The following ZNF366 variants were observed in gnomAD, a reference collection of about 807,000 sequenced individuals.
ZNF366 encodes the protein dendritic cell-specific transcript protein.
In ZNF366, 20 loss-of-function variants were observed where a neutral mutation model predicts 47.2. The ratio of observed to expected loss-of-function variants is 0.42; its 90% CI spans 0.30 to 0.62. The LOEUF (loss-of-function observed/expected upper bound fraction) is 0.62, where lower values mean the gene tolerates loss of function less well. ZNF366 is among the 20% of genes least tolerant of loss of function. The pLI is 0.16. For synonymous variants in ZNF366, 421 were observed against 395.1 expected (o/e 1.07, Z -0.78); for missense variants, 987 against 976.3 (o/e 1.01, Z -0.15).
chr5:72,440,964 A>T lies in ZNF366; in HGVS notation c.*2792T>A, dbSNP rs1314680435. The T allele has an allele frequency of 6.6e-6, 1 of 152,150 alleles. No individual in the cohort carries two copies. The allele number at this position is 152,150 out of a possible 1,614,324, so 9.4% of individuals were successfully genotyped here. ...AGACCTTTTTACTGCCTCCAAATAA[A>T]ATTTTACTTAGAATGCTAATGTATA... On this transcript the variant is annotated 3_prime_UTR_variant, in exon 5 of 5. Transcript: ENST00000318442.
rs112043217 is a variant in ZNF366 at position 72,479,168 on chromosome 5, A to T, written c.-14-17658T>A. Among the ~76,000 whole-genome samples, 887 of 152,296 alleles carry T rather than the reference A, an allele frequency of 5.8e-3. 10 individuals carry two copies. The highest frequency in any genetic ancestry group is 0.019 in the African/African-American group (806 of 41,560). ...TTCCAGGTCCAAAGCTCCAACTCAT[A>T]GGTAGAGATGGCTTTAGTGAGTCTG... On this transcript the variant is annotated intron_variant, in intron 1 of 4. Coordinates refer to ENST00000318442, the MANE Select transcript of ZNF366 (RefSeq NM_152625.3).
chr5:72,448,642 C>A (rs1425554165), intron 3 of ZNF366, among the ~76,000 whole-genome samples: 1 of 152,212 alleles, frequency 6.6e-6, no homozygotes, highest in Non-Finnish European at 1.5e-5. Context: ...CACAGAGACA[C>A]TCAGGGTGAG....
chr5:72,449,618 G>A (rs1221630892), intron 3 of ZNF366, among the ~76,000 whole-genome samples: 1 of 152,232 alleles, frequency 6.6e-6, no homozygotes, highest in African/African-American at 2.4e-5. Context: ...ACCTCATTTG[G>A]ATTGTGGGAT....
rs373809589 is a variant in ZNF366 at position 72,460,657 on chromosome 5, C to T, written c.840G>A (p.Pro280=). 835 of 1,614,224 alleles carry T rather than the reference C, an allele frequency of 5.2e-4. 2 individuals are homozygous for T. Among genetic ancestry groups the T allele is most frequent in the Non-Finnish European group, 6.6e-4 (776 of 1,180,042 alleles). ...GCTTCCCGCAGTGCGTGCACGCGTGCGGCTTGATCCCACTGTGGCCCAGGA... is the reference window on the plus strand; with the variant it reads ...GCTTCCCGCAGTGCGTGCACGCGTGTGGCTTGATCCCACTGTGGCCCAGGA... ...THILGHSGIK[P]HACTHCGKLF... is the part of the protein sequence containing the mutation. The change falls in exon 2 of 5, where the codon CCG becomes CCA. Residue 280 remains proline (P), a synonymous_variant. Transcript: ENST00000318442.
At chr5:72,447,116 G>C in intron 4 of ZNF366, 127 bp downstream of exon 4, 1 of 1,050,834 alleles carries the variant, frequency 9.5e-7, no homozygotes, top group South Asian at 1.7e-5. Context: ...ACATTATAAG[G>C]TTACTCTTGC....
rs866137493 is a variant in ZNF366, at chr5:72,463,981, T to C, written c.-14-2471A>G. ...AGTCGGTTTATAACCCCTTGAGAGA[T>C]AAATTTCTTTTAGTAGAAAGGCTGC... On this transcript the variant is annotated intron_variant, in intron 1 of 4. Transcript: ENST00000318442. 1.6e-4 allele frequency among the ~76,000 whole-genome samples: 25 copies of C among 152,294 alleles called. No homozygotes were observed. In the Middle Eastern group the frequency reaches 0.014, roughly 83 times the overall value.
intron 1 of ZNF366, among the ~76,000 whole-genome samples, chr5:72,472,770 T>C (rs1000795888): frequency 7.2e-5 from 11 of 152,222 alleles, no homozygotes; most frequent in South Asian, 2.1e-4. Flanking sequence ...CCTGTAGATT[T>C]TGGCAATGTA....
intron 1 of ZNF366, among the ~76,000 whole-genome samples, chr5:72,474,148 A>T (rs1743624478): frequency 6.6e-6 from 1 of 152,240 alleles, no homozygotes; most frequent in South Asian, 2.1e-4. Context: ...TTTAAAGAGC[A>T]TTTGTTGGTA....
intron 3 of ZNF366, among the ~76,000 whole-genome samples, chr5:72,455,553 G>A (rs774715497): frequency 7.9e-5 from 12 of 152,174 alleles, no homozygotes; most frequent in Non-Finnish European, 1.8e-4. Flanking sequence ...ACCCAGTCAT[G>A]GCCAATGCTC....
rs188402494 is a variant in ZNF366, at chr5:72,495,156, C to T, written c.-15+12095G>A. ...AGCCATTTCATCACTGCCAGGGCTC[C>T]CAGTTCACAGTGGTAAAGAATATAC... On this transcript the variant is annotated intron_variant, in intron 1 of 4. Transcript: ENST00000318442. 1.8e-4 allele frequency among the ~76,000 whole-genome samples: 27 copies of T among 152,268 alleles called. No homozygotes were observed. In the East Asian group the frequency reaches 4.3e-3, roughly 24 times the overall value.
At chr5:72,479,427 T>C (rs1743741667) in intron 1 of ZNF366, among the ~76,000 whole-genome samples, 1 of 151,210 alleles carries the variant, frequency 6.6e-6, no homozygotes, top group Non-Finnish European at 1.5e-5. Flanking sequence ...AAATTAAAAA[T>C]TAAAAAAAGA....
chr5:72,479,788 ATG>A (rs533406785), intron 1 of ZNF366, among the ~76,000 whole-genome samples: 26 of 152,250 alleles, frequency 1.7e-4, no homozygotes, highest in Non-Finnish European at 3.8e-4. Flanking sequence ...GTGCACAAGC[ATG>A]TGTAATCTCT....
chr5:72,467,814 A>G (rs1234394701), intron 1 of ZNF366, among the ~76,000 whole-genome samples: 1 of 152,152 alleles, frequency 6.6e-6, no homozygotes, highest in Non-Finnish European at 1.5e-5. Flanking sequence ...GTGGCAGTTT[A>G]CTTATGTGAT....
Position 72,442,436 on chromosome 5 carries a change from T to A in ZNF366, c.*1320A>T, listed in dbSNP as rs890844052. 6.6e-6 allele frequency: 1 copy of A among 152,180 alleles called. No homozygotes were observed. Among genetic ancestry groups the A allele is most frequent in the African/African-American group, 2.4e-5 (1 of 41,440 alleles). The allele number at this position is 152,180 out of a possible 1,614,324, so 9.4% of individuals were successfully genotyped here. On this transcript the variant is annotated 3_prime_UTR_variant, in exon 5 of 5. Transcript: ENST00000318442. ...GGGTAAGGCCTTGGTTTGGTGGTTT[T>A]TTTTTAAAGGTCACCCCAGATGCTT...
At chr5:72,462,506 G>GTT (rs1461657182) in intron 1 of ZNF366, among the ~76,000 whole-genome samples, 8 of 67,634 alleles carry the variant, frequency 1.2e-4, no homozygotes, top group African/African-American at 5.6e-4. Flanking sequence ...CTCCTTGCCA[G>GTT]TTTTCTTTCT....
intron 2 of ZNF366, 120 bp downstream of exon 2, chr5:72,460,045 T>A (rs1235342858): frequency 7.4e-7 from 1 of 1,354,532 alleles, no homozygotes; most frequent in Non-Finnish European, 9.8e-7. Context: ...TTGTCCGGGG[T>A]TGCCCACCTC....
intron 1 of ZNF366, among the ~76,000 whole-genome samples, chr5:72,481,840 G>T (rs1183041432): frequency 6.6e-6 from 1 of 152,146 alleles, no homozygotes; most frequent in Admixed American, 6.5e-5. Flanking sequence ...ATACCCATTA[G>T]TATGTTTAGT....
chr5:72,504,376 G>A (rs1224098365), intron 1 of ZNF366, among the ~76,000 whole-genome samples: 1 of 152,098 alleles, frequency 6.6e-6, no homozygotes, highest in Admixed American at 6.5e-5. Context: ...TGGGTGAAAG[G>A]GAGAATAAAA....
intron 2 of ZNF366, among the ~76,000 whole-genome samples, chr5:72,459,056 G>A (rs926758393): frequency 6.6e-5 from 10 of 152,144 alleles, no homozygotes; most frequent in Non-Finnish European, 1.5e-5. Flanking sequence ...CTCCCCTCTG[G>A]ATAGTATCTA....
Sources: gnomAD v4.1 joint callset for allele counts (sites outside exome capture counted in the v4.1 genomes callset) on GRCh38, gnomAD v4.1.1 for gene constraint, MANE v1.5 for transcripts, NCBI Gene and HGNC (gene_info 2026-07-23, HGNC 2026-07-21) for gene names.